The following MYO3A variants were observed in gnomAD, a reference collection of about 807,000 sequenced individuals.
MYO3A encodes the protein myosin IIIA.
MYO3A carries 180 observed loss-of-function variants against 192.7 expected under a neutral mutation model. The observed-to-expected ratio is 0.93, with a 90% CI of 0.83 to 1.06. The LOEUF is 1.06. Ranked by LOEUF, MYO3A falls within the 50% of genes least tolerant of loss-of-function variation. MYO3A has a pLI of 0.00. For synonymous variants in MYO3A, 628 were observed against 645.3 expected (o/e 0.97, Z 0.41); for missense variants, 1,896 against 1,905.0 (o/e 1.00, Z 0.09).
chr10:25,989,457 A>G (rs895851739), intron 4 of MYO3A, among the ~76,000 whole-genome samples: 12 of 152,138 alleles, frequency 7.9e-5, no homozygotes, highest in African/African-American at 2.9e-4. Flanking sequence ...GAAAAATGCA[A>G]GTCTTGGAAT....
intron 7 of MYO3A, among the ~76,000 whole-genome samples, chr10:26,017,540 T>C (rs1170940243): frequency 6.6e-6 from 1 of 152,178 alleles, no homozygotes; most frequent in Non-Finnish European, 1.5e-5. Context: ...GCTATTTATC[T>C]CCAGTTTTCT....
chr10:26,120,503 G>T (rs1471100393), intron 17 of MYO3A, among the ~76,000 whole-genome samples, 173 bp from the exon 18 acceptor site: 1 of 151,970 alleles, frequency 6.6e-6, no homozygotes, highest in Non-Finnish European at 1.5e-5. Context: ...AACCTCTGAG[G>T]TTAAAATAAT....
intron 2 of MYO3A, among the ~76,000 whole-genome samples, chr10:25,944,827 G>A (rs1211037391): frequency 6.6e-6 from 1 of 151,858 alleles, no homozygotes. Flanking sequence ...TAAAGGTTTC[G>A]AAGAATCAAC....
At chr10:26,028,988 C>T (rs976078602) in intron 10 of MYO3A, among the ~76,000 whole-genome samples, 1 of 152,138 alleles carries the variant, frequency 6.6e-6, no homozygotes, top group Admixed American at 6.5e-5. Context: ...ATAAGATTTC[C>T]ATCTGTCCTA....
chr10:26,089,372 C>T (rs956118127), intron 15 of MYO3A, among the ~76,000 whole-genome samples: 1 of 151,962 alleles, frequency 6.6e-6, no homozygotes, highest in African/African-American at 2.4e-5. Flanking sequence ...GAGGCCAAGG[C>T]GGGTGGATCA....
chr10:26,038,017 A>G (rs1301022657), intron 10 of MYO3A, among the ~76,000 whole-genome samples: 5 of 152,128 alleles, frequency 3.3e-5, no homozygotes, highest in Non-Finnish European at 5.9e-5. Flanking sequence ...CTGTGGATTT[A>G]TGGACTTATC....
Position 26,060,302 on chromosome 10 carries a change from T to TAA in MYO3A, c.954-6673_954-6672insAA, listed in dbSNP as rs773441368. On this transcript the variant is annotated intron_variant, in intron 10 of 34. Transcript: ENST00000642920. Reference sequence around the variant, plus strand: ...ATACATACATAAATAAATAAATAAATTTAAAAAATACAAAAATTAGCCTGG... The same window carrying TAA: ...ATACATACATAAATAAATAAATAAATAATTAAAAAATACAAAAATTAGCCTGG... Among the ~76,000 whole-genome samples, 81 of 147,976 alleles carry TAA rather than the reference T, an allele frequency of 5.5e-4. 1 individual carries two copies. The highest frequency in any genetic ancestry group is 1.4e-3 in the African/African-American group (55 of 39,804).
rs779234443 is a variant in MYO3A at position 26,174,408 on chromosome 10, A to C, written c.4144A>C (p.Thr1382Pro). 3.1e-6 allele frequency: 5 copies of C among 1,614,252 alleles called. No homozygotes were observed. The Admixed American group carries it at 6.7e-5, about 22-fold the overall frequency. ...SSFKHQRIVTTPTEVARNTHN... is the reference protein window; with the variant it reads ...SSFKHQRIVTPPTEVARNTHN... ...TTTTAAGCATCAGAGGATTGTCACA[A>C]CACCAACAGAAGTAGCAAGAAACAC... Residue 1382 changes from threonine (T) to proline (P), a missense_variant, in exon 30 of 35, where the codon ACA becomes CCA. Thr to Pro is a conservative substitution (Grantham distance 38). Transcript: ENST00000642920.
chr10:25,957,941 GT>G lies in MYO3A; in HGVS notation c.303+2939del, dbSNP rs1837664947. On this transcript the variant is annotated intron_variant, in intron 4 of 34. Transcript: ENST00000642920. The stretch of plus-strand genomic sequence containing the variant: ...TTGCCCACTTTTAATGAGGTTGTTT[GT>G]TTTTTCCTTCTAAATATAAGTTCCT... Among the ~76,000 whole-genome samples the G allele has an allele frequency of 3.3e-5, 5 of 151,986 alleles. No homozygotes were observed. In the South Asian group the frequency reaches 1.0e-3, roughly 31 times the overall value.
At chr10:26,184,798 A>C (rs755484846) in intron 31 of MYO3A, among the ~76,000 whole-genome samples, 1 of 152,124 alleles carries the variant, frequency 6.6e-6, no homozygotes, top group Non-Finnish European at 1.5e-5. Context: ...ATAGCCACAA[A>C]CCTTATTATG....
chr10:26,060,123 G>A (rs1465886764), intron 10 of MYO3A, among the ~76,000 whole-genome samples: 3 of 152,096 alleles, frequency 2.0e-5, no homozygotes, highest in Non-Finnish European at 2.9e-5. Context: ...GCCGAGTATG[G>A]TGGCGCATGC....
Position 26,073,876 on chromosome 10 carries a change from A to G in MYO3A, c.1359+3475A>G, listed in dbSNP as rs540738569. Among the ~76,000 whole-genome samples the G allele has an allele frequency of 1.6e-3, 240 of 152,128 alleles. 2 individuals carry two copies. The highest frequency in any genetic ancestry group is 5.7e-4 in the Non-Finnish European group (39 of 67,988). On this transcript the variant is annotated intron_variant, in intron 14 of 34. Coordinates refer to ENST00000642920, the MANE Select transcript of MYO3A (RefSeq NM_017433.5). ...ATGAGACAATTTGGGGTGGTGAAGG[A>G]ATTATCCTATATGTAGACTGCGATG...
intron 17 of MYO3A, among the ~76,000 whole-genome samples, chr10:26,100,418 T>G (rs1024220502): frequency 3.9e-5 from 6 of 152,144 alleles, no homozygotes; most frequent in Non-Finnish European, 7.4e-5. Context: ...GTTCTGCTCT[T>G]GTCTTAGTTA....
chr10:26,008,781 G>A (rs1379568842), intron 6 of MYO3A, among the ~76,000 whole-genome samples: 1 of 151,934 alleles, frequency 6.6e-6, no homozygotes, highest in Non-Finnish European at 1.5e-5. Context: ...CTGTTGGTGG[G>A]ACTGTAGACT....
chr10:26,101,532 T>C (rs957074232), intron 17 of MYO3A, among the ~76,000 whole-genome samples: 2 of 152,246 alleles, frequency 1.3e-5, no homozygotes, highest in Non-Finnish European at 2.9e-5. Flanking sequence ...CAGTGGCTGG[T>C]ACCAGTTGTT....
chr10:25,985,700 A>T (rs1432985178), intron 4 of MYO3A, among the ~76,000 whole-genome samples: 2 of 151,672 alleles, frequency 1.3e-5, no homozygotes, highest in African/African-American at 4.8e-5. Flanking sequence ...AAATGGTAAT[A>T]AAAAAATTGC....
At chr10:26,119,447 C>A (rs1340836936) in intron 17 of MYO3A, among the ~76,000 whole-genome samples, 2 of 152,142 alleles carry the variant, frequency 1.3e-5, no homozygotes, top group Admixed American at 6.5e-5. Context: ...AGATATCCCA[C>A]ATATATATTC....
intron 10 of MYO3A, among the ~76,000 whole-genome samples, chr10:26,065,605 A>AAAAAAAAAAAAAACAT (rs1834784369): frequency 8.4e-6 from 1 of 118,726 alleles, no homozygotes; most frequent in Non-Finnish European, 1.8e-5. Flanking sequence ...AAAAAAAAAA[A>AAAAAAAAAAAAAACAT]AAAAAAAAGT....
In MYO3A at chr10:26,096,688, T is replaced by C. The variant is rs1837061640; in HGVS notation, c.1776+6T>C. On this transcript the variant is annotated splice_donor_region_variant and intron_variant, in intron 17 of 34. Coordinates refer to ENST00000642920, the MANE Select transcript of MYO3A (RefSeq NM_017433.5). ...TCATAGGTTTTACAATGGAGGTAAG[T>C]ATGAAAGACACTTGAACTTCTTTAG... The C allele has an allele frequency of 6.5e-7, 1 of 1,529,862 alleles. No individual in the cohort carries two copies. Among genetic ancestry groups the C allele is most frequent in the East Asian group, 2.3e-5 (1 of 44,358 alleles). The allele number at this position is 1,529,862 out of a possible 1,614,324, so 94.8% of individuals were successfully genotyped here.
Sources: allele counts gnomAD v4.1 joint callset (sites outside exome capture counted in the v4.1 genomes callset), GRCh38; gene constraint gnomAD v4.1.1; transcripts MANE v1.5; gene names NCBI Gene and HGNC (gene_info 2026-07-23, HGNC 2026-07-21).